RARB: variants seen among roughly 807,000 people sequenced by gnomAD.
RARB encodes retinoic acid receptor beta, also known as HBV-activated protein.
RARB carries 17 observed loss-of-function variants against 51.9 expected under a neutral mutation model. That is an observed-to-expected ratio of 0.33 (90% CI 0.22 to 0.49). RARB has a LOEUF of 0.49. RARB is among the 20% of genes least tolerant of loss of function. The pLI is 0.99. For missense variants in RARB, 369 were observed against 550.8 expected (o/e 0.67, Z 3.30); for synonymous variants, 215 against 195.4 (o/e 1.10, Z -0.84).
At chr3:25,018,925 C>A (rs901543100) in intron 2 of RARB, among the ~76,000 whole-genome samples, 9 of 152,176 alleles carry the variant, frequency 5.9e-5, no homozygotes, top group Non-Finnish European at 1.2e-4. Flanking sequence ...CCCTTCCCAT[C>A]CAACTTAAGT....
In RARB at chr3:25,274,193, T is replaced by C. The variant is rs189923397; in HGVS notation, c.178+99618T>C. Among the ~76,000 whole-genome samples, 283 of 152,352 alleles carry C rather than the reference T, an allele frequency of 1.9e-3. 1 individual carries two copies. The highest frequency in any genetic ancestry group is 6.8e-3 in the Middle Eastern group (2 of 294). On this transcript the variant is annotated intron_variant, in intron 5 of 11. Coordinates refer to the RARB transcript ENST00000383772. Reference sequence around the variant, plus strand: ...TTCATTTAACCCAGCATATTTAAAATATGATTTAAACACGAAGCCTGCATA... The same window carrying C: ...TTCATTTAACCCAGCATATTTAAAACATGATTTAAACACGAAGCCTGCATA...
At chr3:25,524,515 T>C (rs1056439016) in intron 3 of RARB, among the ~76,000 whole-genome samples, 1 of 152,120 alleles carries the variant, frequency 6.6e-6, no homozygotes, top group Non-Finnish European at 1.5e-5. Context: ...TCCTAAGTAA[T>C]TGAGTACAAA....
rs77526484 is a variant in RARB at position 25,178,599 on chromosome 3, T to C, written c.178+4024T>C. On this transcript the variant is annotated intron_variant, in intron 5 of 11. Transcript: ENST00000383772. Reference sequence around the variant, plus strand: ...AGGCCAGCATAATCCCTTGGAAAATTGACAGCTCCACCATGGACATCTTTT... The same window carrying C: ...AGGCCAGCATAATCCCTTGGAAAATCGACAGCTCCACCATGGACATCTTTT... Among the ~76,000 whole-genome samples, 347 of 152,116 alleles carry C rather than the reference T, an allele frequency of 2.3e-3. 2 individuals are homozygous for C. Among genetic ancestry groups the C allele is most frequent in the East Asian group, 0.02 (104 of 5,160 alleles).
intron 1 of RARB, among the ~76,000 whole-genome samples, chr3:25,456,567 T>TTTTTC (rs1415531999): frequency 7.0e-6 from 1 of 142,508 alleles, no homozygotes; most frequent in Non-Finnish European, 1.5e-5. Context: ...TTTTTTTTTT[T>TTTTTC]TTTTTTTTTT....
Position 25,249,548 on chromosome 3 carries a change from T to G in RARB, c.178+74973T>G, listed in dbSNP as rs1397789178. ...TACATTGATATCTGTACCTCTGATA[T>G]AATAGTTGCTTCTTTCAATTTTTTT... On this transcript the variant is annotated intron_variant, in intron 5 of 11. Coordinates refer to the RARB transcript ENST00000383772. Among the ~76,000 whole-genome samples, 3 of 151,990 alleles carry G rather than the reference T, an allele frequency of 2.0e-5. No individual in the cohort carries two copies. In the East Asian group the frequency reaches 5.8e-4, roughly 29 times the overall value.
At chr3:25,474,855 A>G (rs17016467) in intron 2 of RARB, among the ~76,000 whole-genome samples, 8,874 of 152,220 alleles carry the variant, frequency 0.058, 852 homozygotes, top group African/African-American at 0.2. Flanking sequence ...ATTAGGTGGA[A>G]AGTATGCCCT....
At chr3:25,210,490 T>G (rs1299362073) in intron 5 of RARB, among the ~76,000 whole-genome samples, 3 of 147,754 alleles carry the variant, frequency 2.0e-5, no homozygotes, top group Non-Finnish European at 4.5e-5. Flanking sequence ...TTGCAGAGAC[T>G]TCATCTGACC....
chr3:25,416,386 C>T (rs1321477258), intron 5 of RARB, among the ~76,000 whole-genome samples: 1 of 152,150 alleles, frequency 6.6e-6, no homozygotes, highest in African/African-American at 2.4e-5. Context: ...GAGACTTTGT[C>T]TCATAAGCAA....
intron 4 of RARB, among the ~76,000 whole-genome samples, chr3:25,152,096 T>G (rs775036237): frequency 1.4e-4 from 22 of 152,310 alleles, no homozygotes; most frequent in Admixed American, 3.9e-4. Flanking sequence ...TGAGGCTTGG[T>G]AAAAAGCCTA....
At chr3:25,256,362 C>T (rs546802160) in intron 5 of RARB, among the ~76,000 whole-genome samples, 5 of 152,214 alleles carry the variant, frequency 3.3e-5, no homozygotes, top group Admixed American at 2.0e-4. Context: ...ATATTGCTCC[C>T]TCAATCTAGA....
chr3:24,880,832 T>C (rs1035922300), intron 2 of RARB, among the ~76,000 whole-genome samples: 6 of 152,234 alleles, frequency 3.9e-5, no homozygotes, highest in African/African-American at 1.4e-4. Context: ...TATAAAAATG[T>C]TGTGTTACTG....
At chr3:25,293,321 A>G (rs1575289489) in intron 5 of RARB, among the ~76,000 whole-genome samples, 2 of 152,130 alleles carry the variant, frequency 1.3e-5, no homozygotes, top group African/African-American at 4.8e-5. Context: ...CATTTGTAAG[A>G]TGAGGCTATA....
At chr3:25,081,539 C>A (rs147746637) in intron 3 of RARB, among the ~76,000 whole-genome samples, 2 of 126,402 alleles carry the variant, frequency 1.6e-5, no homozygotes, top group East Asian at 5.1e-4. Context: ...TGTAATTGTA[C>A]ATGTGCCTAT....
intron 5 of RARB, among the ~76,000 whole-genome samples, chr3:25,330,986 A>G (rs1452804454): frequency 6.6e-6 from 1 of 152,254 alleles, no homozygotes; most frequent in Non-Finnish European, 1.5e-5. Context: ...TGTGCTAAAT[A>G]TATATGCACC....
chr3:24,860,251 T>A (rs1239513106), intron 2 of RARB, among the ~76,000 whole-genome samples: 2 of 152,160 alleles, frequency 1.3e-5, no homozygotes. Context: ...TCTTGGGTGT[T>A]GATTCTGATT....
intron 2 of RARB, among the ~76,000 whole-genome samples, chr3:24,893,431 G>A (rs535983890): frequency 1.3e-5 from 2 of 152,242 alleles, no homozygotes; most frequent in East Asian, 1.9e-4. Context: ...TCTGTGCATC[G>A]TGCTTTGGGA....
At chr3:25,569,525 C>G (rs558759037) in intron 3 of RARB, among the ~76,000 whole-genome samples, 1 of 152,306 alleles carries the variant, frequency 6.6e-6, no homozygotes, top group East Asian at 1.9e-4. Context: ...CCCAAGCTCT[C>G]CAAACAACTG....
intron 3 of RARB, among the ~76,000 whole-genome samples, chr3:25,091,332 G>A (rs1266326624): frequency 2.0e-5 from 3 of 152,130 alleles, no homozygotes; most frequent in Admixed American, 6.6e-5. Flanking sequence ...CTGTCAGTGG[G>A]ATTTTATGAT....
intron 2 of RARB, among the ~76,000 whole-genome samples, chr3:24,881,462 G>A (rs1044090952): frequency 1.3e-5 from 2 of 152,128 alleles, no homozygotes; most frequent in African/African-American, 4.8e-5. Context: ...TAAAAATGAA[G>A]GACAAGGGTT....
Sources: gnomAD v4.1 joint callset for allele counts (sites outside exome capture counted in the v4.1 genomes callset) on GRCh38, gnomAD v4.1.1 for gene constraint, MANE v1.5 for transcripts, NCBI Gene and HGNC (gene_info 2026-07-23, HGNC 2026-07-21) for gene names.